CAB39L: variants seen among roughly 807,000 people sequenced by gnomAD.
CAB39L encodes calcium binding protein 39 like, also known as calcium-binding protein 39-like.
Under a neutral mutation model 39.1 loss-of-function variants are expected in CAB39L, and 23 were observed. The observed-to-expected ratio is 0.59, with a 90% CI of 0.42 to 0.83. The LOEUF (loss-of-function observed/expected upper bound fraction) is 0.83. Ranked by LOEUF, CAB39L falls within the 40% of genes least tolerant of loss-of-function variation. CAB39L has a pLI of 0.00. For missense variants in CAB39L, 366 were observed against 391.9 expected, an observed-to-expected ratio of 0.93 and a Z score of 0.56; for synonymous variants, 126 against 137.2, an observed-to-expected ratio of 0.92 and a Z score of 0.57.
chr13:49,386,898 T>C (rs1232696100), intron 3 of CAB39L, among the ~76,000 whole-genome samples: 1 of 151,732 alleles, frequency 6.6e-6, no homozygotes, highest in African/African-American at 2.4e-5. Context: ...ACCTGGAAAC[T>C]TGAGGCTGCC....
rs370773112 is a variant in CAB39L, at chr13:49,313,373, C to T, written c.835-2380G>A. Among the ~76,000 whole-genome samples the T allele has an allele frequency of 1.1e-4, 16 of 151,670 alleles. No individual in the cohort carries two copies. In the South Asian group the frequency reaches 2.3e-3, roughly 22 times the overall value. On this transcript the variant is annotated intron_variant, in intron 10 of 10. Transcript: ENST00000409308. Reference sequence around the variant, plus strand: ...GCGGGCGCCTGTAGTCCCAGCTACTCGGGAGGCTGTGGCAGGAGAATGGCG... The same window carrying T: ...GCGGGCGCCTGTAGTCCCAGCTACTTGGGAGGCTGTGGCAGGAGAATGGCG...
rs75654243 is a variant in CAB39L, at chr13:49,400,600, A to G, written c.-31-17659T>C. On this transcript the variant is annotated intron_variant, in intron 3 of 10. Transcript: ENST00000409308. ...ACCCAAATGCATTCATTCATTTTAC[A>G]TAAAGTAGGAAAAATCAGGTGTCAC... is the stretch of plus-strand genomic sequence containing the variant. 5.8e-3 allele frequency among the ~76,000 whole-genome samples: 877 copies of G among 152,238 alleles called. 23 individuals are homozygous for G. The East Asian group carries it at 0.08, about 14-fold the overall frequency.
chr13:49,401,459 TA>T (rs1360160845), intron 3 of CAB39L: 1 of 152,236 alleles, frequency 6.6e-6, no homozygotes, highest in Non-Finnish European at 1.5e-5. Flanking sequence ...GCTTGTCTCT[TA>T]ATCTGTCACA....
intron 8 of CAB39L, 143 bp from the exon 9 acceptor site, chr13:49,339,885 C>T: frequency 9.6e-7 from 1 of 1,039,570 alleles, no homozygotes. Flanking sequence ...CACTGGGGGA[C>T]AGGGAGGTCA....
intron 3 of CAB39L, among the ~76,000 whole-genome samples, chr13:49,430,349 C>T (rs1289537206): frequency 1.3e-5 from 2 of 152,158 alleles, no homozygotes; most frequent in Admixed American, 6.5e-5. Context: ...ATCAGTAAGG[C>T]ATACGTAAAC....
At chr13:49,351,119 G>T in intron 6 of CAB39L, 5 of 354,280 alleles carry the variant, frequency 1.4e-5, no homozygotes, top group Non-Finnish European at 2.5e-5. Context: ...GAAACACTTA[G>T]ATATACTCAA....
At chr13:49,366,435 T>C (rs1250933273) in intron 5 of CAB39L, among the ~76,000 whole-genome samples, 3 of 151,528 alleles carry the variant, frequency 2.0e-5, no homozygotes, top group East Asian at 3.9e-4. Flanking sequence ...GAGACCAGCA[T>C]GGCCAAGATG....
chr13:49,440,491 G>C (rs1380514313), intron 1 of CAB39L, among the ~76,000 whole-genome samples: 1 of 151,718 alleles, frequency 6.6e-6, no homozygotes, highest in African/African-American at 2.4e-5. Context: ...ATGCTTTTTT[G>C]GTTACTGTAG....
chr13:49,384,115 T>C (rs1015171421), intron 3 of CAB39L, among the ~76,000 whole-genome samples: 2 of 152,250 alleles, frequency 1.3e-5, no homozygotes, highest in African/African-American at 2.4e-5. Context: ...GCTTTCAAAA[T>C]TGAAGTCAGT....
chr13:49,341,846 T>A (rs569188683), intron 8 of CAB39L, among the ~76,000 whole-genome samples: 66 of 152,272 alleles, frequency 4.3e-4, no homozygotes, highest in Non-Finnish European at 6.5e-4. Context: ...ATGTACCCCA[T>A]AAACATGTAT....
chr13:49,441,226 T>TATATATATATATATATATATATATA lies in CAB39L; in HGVS notation c.-246+2759_-246+2760insTATATATATATATATATATATATAT, dbSNP rs1282371923. ...TTTTCTTATAATGATTTAGTGTATA[T>TATATATATATATATATATATATATA]ATATATATATATATATATTCCCTTT... On this transcript the variant is annotated intron_variant, in intron 1 of 10. Coordinates refer to ENST00000409308, the MANE Select transcript of CAB39L (RefSeq NM_001079670.3). Among the ~76,000 whole-genome samples the TATATATATATATATATATATATATA allele has an allele frequency of 2.8e-4, 32 of 112,790 alleles. 1 individual carries two copies. Among genetic ancestry groups the TATATATATATATATATATATATATA allele is most frequent in the African/African-American group, 1.5e-3 (32 of 21,204 alleles). The allele number at this position is 112,790 out of a possible 152,430, so 74.0% of individuals were successfully genotyped here.
At chr13:49,324,229 A>G (rs1214072637) in intron 10 of CAB39L, among the ~76,000 whole-genome samples, 1 of 152,092 alleles carries the variant, frequency 6.6e-6, no homozygotes, top group Non-Finnish European at 1.5e-5. Context: ...AGGCAGAAGA[A>G]TCACTTGAAC....
intron 3 of CAB39L, among the ~76,000 whole-genome samples, chr13:49,388,158 G>A (rs185598120): frequency 2.6e-5 from 4 of 152,140 alleles, no homozygotes; most frequent in African/African-American, 4.8e-5. Flanking sequence ...ATTTTATAGC[G>A]ATATGAAGAA....
chr13:49,433,145 T>C (rs2138736892), intron 3 of CAB39L, among the ~76,000 whole-genome samples, 173 bp downstream of exon 3: 1 of 152,298 alleles, frequency 6.6e-6, no homozygotes, highest in East Asian at 1.9e-4. Flanking sequence ...GAATTCAGGC[T>C]CTCTAGTCTA....
At chr13:49,349,609 T>A (rs1200077675) in intron 7 of CAB39L, among the ~76,000 whole-genome samples, 1 of 151,902 alleles carries the variant, frequency 6.6e-6, no homozygotes, top group Admixed American at 6.6e-5. Context: ...TTGGTAGACA[T>A]TGAAGAAAAT....
At chr13:49,345,296 T>C in intron 7 of CAB39L, among the ~76,000 whole-genome samples, 1 of 152,342 alleles carries the variant, frequency 6.6e-6, no homozygotes, top group Admixed American at 6.5e-5. Context: ...TCTACTTTAA[T>C]TTTTTAAAAA....
In CAB39L at chr13:49,434,228, A is replaced by C; in HGVS notation, c.-245-5T>G. ...TCTCAATATTTGATGGATATCCTGC[A>C]ATAATGTAGGAAAAACAGCACAGGC... is the stretch of plus-strand genomic sequence containing the variant. On this transcript the variant is annotated splice_region_variant and splice_polypyrimidine_tract_variant and intron_variant, in intron 1 of 10. Coordinates refer to ENST00000409308, the MANE Select transcript of CAB39L (RefSeq NM_001079670.3). The C allele has an allele frequency of 2.2e-6, 1 of 450,560 alleles. No individual in the cohort carries two copies. The highest frequency in any genetic ancestry group is 4.4e-6 in the Non-Finnish European group (1 of 224,918). The allele number at this position is 450,560 out of a possible 1,614,324, so 27.9% of individuals were successfully genotyped here. A position where few individuals can be genotyped will look rare whatever the true frequency, so the allele number is the denominator to read the frequency against.
At position 49,392,354 on chromosome 13, in the gene CAB39L, C is replaced by T. The variant is rs1009746790; in HGVS notation, c.-31-9413G>A. On this transcript the variant is annotated intron_variant, in intron 3 of 10. Coordinates refer to ENST00000409308, the MANE Select transcript of CAB39L (RefSeq NM_001079670.3). ...AAGGAAGTCATTGCTTGAAAGGAAA[C>T]AGAGGAACAGGCGGTGGTTCACGCC... 4.0e-5 allele frequency among the ~76,000 whole-genome samples: 6 copies of T among 151,110 alleles called. No individual in the cohort carries two copies. The East Asian group carries it at 1.2e-3, about 29-fold the overall frequency.
In CAB39L at chr13:49,310,897, C is replaced by T; in HGVS notation, c.931G>A (p.Glu311Lys). ...LIEFLSSFQK[E>K]RTDDEQFADE... Reference sequence around the variant, plus strand: ...GCGAACTGCTCATCATCCGTCCTTTCTTTTTGGAAGCTGCTCAGAAACTCA... The same window carrying T: ...GCGAACTGCTCATCATCCGTCCTTTTTTTTTGGAAGCTGCTCAGAAACTCA... The change falls in exon 11 of 11, where the codon GAA becomes AAA. Residue 311 changes from glutamate to lysine, a missense_variant. Coordinates refer to ENST00000409308, the MANE Select transcript of CAB39L (RefSeq NM_001079670.3). 1 of 1,614,172 alleles carries T rather than the reference C, an allele frequency of 6.2e-7. No homozygotes were observed.
Sources: allele counts gnomAD v4.1 joint callset (sites outside exome capture counted in the v4.1 genomes callset), GRCh38; gene constraint gnomAD v4.1.1; transcripts MANE v1.5; gene names NCBI Gene and HGNC (gene_info 2026-07-23, HGNC 2026-07-21).